Variants in CDYL2 observed in about 807,000 individuals in gnomAD.
The protein encoded by CDYL2 is chromodomain Y-like protein 2.
In CDYL2, 23 loss-of-function variants were observed where a neutral mutation model predicts 49.4. The observed-to-expected ratio is 0.47, with a 90% CI of 0.34 to 0.66. The LOEUF (loss-of-function observed/expected upper bound fraction) is 0.66. Among genes scored for constraint, CDYL2 ranks in the 30% least tolerant of loss-of-function variants. The pLI is 0.01. For missense variants in CDYL2, 678 were observed against 656.4 expected (o/e 1.03, Z -0.36); for synonymous variants, 360 against 268.8 (o/e 1.34, Z -3.32).
chr16:80,791,969 G>C (rs1012102003), intron 1 of CDYL2, among the ~76,000 whole-genome samples: 1 of 152,158 alleles, frequency 6.6e-6, no homozygotes, highest in Non-Finnish European at 1.5e-5. Flanking sequence ...AATTAAAGTG[G>C]TGAGAGTATT....
At chr16:80,626,766 T>A (rs186943485) in intron 3 of CDYL2, among the ~76,000 whole-genome samples, 123 of 152,312 alleles carry the variant, frequency 8.1e-4, no homozygotes, top group African/African-American at 2.9e-3. Context: ...GTTAGGGGGA[T>A]ACTGGGAAAA....
chr16:80,684,557 T>C lies in CDYL2; in HGVS notation c.597A>G (p.Thr199=). The C allele has an allele frequency of 3.1e-6, 5 of 1,613,726 alleles. No individual in the cohort carries two copies. The highest frequency in any genetic ancestry group is 4.2e-6 in the Non-Finnish European group (5 of 1,179,742). The change falls in exon 2 of 7, where the codon ACA becomes ACG. Residue 199 remains threonine, a synonymous_variant. Transcript: ENST00000570137. ...ACAAACCGAGCCCGTTCTCCGCCAG[T>C]GTAGCGTGATTCACGTCACATTCAC... ...DMGECDVNHA[T]LAENGLGSAL...
intron 2 of CDYL2, among the ~76,000 whole-genome samples, chr16:80,658,842 T>C (rs533737680): frequency 1.3e-5 from 2 of 152,044 alleles, no homozygotes; most frequent in East Asian, 3.9e-4. Flanking sequence ...AGGTAAGGTA[T>C]ACTTTGGGCT....
chr16:80,728,475 T>C (rs1243009530), intron 1 of CDYL2, among the ~76,000 whole-genome samples: 2 of 152,172 alleles, frequency 1.3e-5, no homozygotes, highest in African/African-American at 4.8e-5. Flanking sequence ...GTCTGATTGG[T>C]GTACCTGAAA....
intron 1 of CDYL2, among the ~76,000 whole-genome samples, 183 bp downstream of exon 1, chr16:80,803,967 G>A (rs1484440962): frequency 2.2e-5 from 3 of 138,884 alleles, no homozygotes; most frequent in Admixed American, 1.4e-4. Flanking sequence ...GGCGGCGGGC[G>A]GCGGGCGGCG....
intron 1 of CDYL2, among the ~76,000 whole-genome samples, chr16:80,687,818 C>T (rs1203949081): frequency 6.6e-6 from 1 of 152,144 alleles, no homozygotes; most frequent in Non-Finnish European, 1.5e-5. Context: ...AAGTATAGCG[C>T]CTATCTCTTG....
intron 1 of CDYL2, among the ~76,000 whole-genome samples, chr16:80,775,188 G>C (rs1907040566): frequency 6.6e-6 from 1 of 150,970 alleles, no homozygotes; most frequent in South Asian, 2.1e-4. Flanking sequence ...AGAAGTCCAA[G>C]AAAAAGAAAA....
intron 1 of CDYL2, among the ~76,000 whole-genome samples, chr16:80,688,353 G>T (rs1433210509): frequency 6.6e-6 from 1 of 152,128 alleles, no homozygotes; most frequent in African/African-American, 2.4e-5. Context: ...TTTTCTATCT[G>T]TATGACCTTG....
At chr16:80,791,808 G>A (rs922799429) in intron 1 of CDYL2, among the ~76,000 whole-genome samples, 8 of 152,162 alleles carry the variant, frequency 5.3e-5, no homozygotes, top group African/African-American at 1.9e-4. Flanking sequence ...ATCACTTAAA[G>A]GCATTTAATC....
intron 4 of CDYL2, among the ~76,000 whole-genome samples, chr16:80,616,372 C>A (rs1040158413): frequency 3.9e-5 from 6 of 152,196 alleles, no homozygotes; most frequent in African/African-American, 1.4e-4. Context: ...GGTAGTGCAT[C>A]TGCTGGGGAG....
At chr16:80,613,104 C>T (rs1156460355) in intron 4 of CDYL2, among the ~76,000 whole-genome samples, 1 of 152,122 alleles carries the variant, frequency 6.6e-6, no homozygotes, top group Non-Finnish European at 1.5e-5. Context: ...CCATCTCCTT[C>T]CACTCTCAAA....
chr16:80,718,553 T>A (rs1904888567), intron 1 of CDYL2, among the ~76,000 whole-genome samples: 1 of 152,198 alleles, frequency 6.6e-6, no homozygotes, highest in South Asian at 2.1e-4. Context: ...AAAACAGAGC[T>A]GATTTACTGC....
chr16:80,766,137 A>G (rs576351089), intron 1 of CDYL2, among the ~76,000 whole-genome samples: 2 of 151,940 alleles, frequency 1.3e-5, no homozygotes, highest in East Asian at 3.9e-4. Context: ...TTTTTGAAGG[A>G]GAAGGGGAAT....
At chr16:80,768,743 T>C (rs1029786854) in intron 1 of CDYL2, among the ~76,000 whole-genome samples, 6 of 152,214 alleles carry the variant, frequency 3.9e-5, no homozygotes, top group Non-Finnish European at 7.3e-5. Flanking sequence ...CATAACACCA[T>C]GGAATTAGGT....
chr16:80,649,359 G>C (rs559278803), intron 2 of CDYL2, among the ~76,000 whole-genome samples: 10 of 151,968 alleles, frequency 6.6e-5, no homozygotes, highest in African/African-American at 2.2e-4. Flanking sequence ...ATCTGAAAAA[G>C]AAATTAAAAA....
intron 1 of CDYL2, among the ~76,000 whole-genome samples, chr16:80,705,810 AC>A (rs1904385301): frequency 2.6e-5 from 4 of 152,416 alleles, no homozygotes; most frequent in African/African-American, 9.6e-5. Flanking sequence ...ATTTATAAAA[AC>A]AAATGGTGGG....
At chr16:80,615,847 T>C (rs1291404531) in intron 4 of CDYL2, among the ~76,000 whole-genome samples, 1 of 152,208 alleles carries the variant, frequency 6.6e-6, no homozygotes, top group African/African-American at 2.4e-5. Flanking sequence ...CGATGTTTAA[T>C]GAAGGCCACC....
At chr16:80,610,904 C>A (rs1399368590) in intron 5 of CDYL2, among the ~76,000 whole-genome samples, 1 of 152,098 alleles carries the variant, frequency 6.6e-6, no homozygotes, top group African/African-American at 2.4e-5. Flanking sequence ...GAGGCAGGCA[C>A]AACACAGAAG....
chr16:80,633,666 T>C (rs73583633), intron 2 of CDYL2, among the ~76,000 whole-genome samples: 1 of 152,134 alleles, frequency 6.6e-6, no homozygotes, highest in Non-Finnish European at 1.5e-5. Context: ...CTCAAATACA[T>C]TCACGAGCAT....
Sources: gnomAD v4.1 joint callset for allele counts (sites outside exome capture counted in the v4.1 genomes callset) on GRCh38, gnomAD v4.1.1 for gene constraint, MANE v1.5 for transcripts, NCBI Gene and HGNC (gene_info 2026-07-23, HGNC 2026-07-21) for gene names.